ADGRL3: variants seen among roughly 807,000 people sequenced by gnomAD.
ADGRL3 encodes the protein adhesion G protein-coupled receptor L3.
Under a neutral mutation model 153.5 loss-of-function variants are expected in ADGRL3, and 62 were observed. The ratio of observed to expected loss-of-function variants is 0.40; its 90% CI spans 0.33 to 0.50. ADGRL3 has a LOEUF of 0.50. ADGRL3 is among the 20% of genes least tolerant of loss of function. The probability of loss-of-function intolerance (pLI) is 0.47; values close to 1 mark genes in which losing one functional copy is unlikely to be tolerated. For synonymous variants in ADGRL3, 710 were observed against 672.5 expected (o/e 1.06, Z -0.86); for missense variants, 1,641 against 1,859.4 (o/e 0.88, Z 2.16).
intron 21 of ADGRL3, among the ~76,000 whole-genome samples, chr4:62,008,763 A>T (rs1349920202): frequency 6.6e-6 from 1 of 151,814 alleles, no homozygotes; most frequent in Non-Finnish European, 1.5e-5. Flanking sequence ...ATACATATAT[A>T]TGCATATATA....
At chr4:61,685,097 A>G (rs867713217) in intron 6 of ADGRL3, among the ~76,000 whole-genome samples, 4 of 151,860 alleles carry the variant, frequency 2.6e-5, no homozygotes, top group African/African-American at 9.7e-5. Flanking sequence ...TTTAATTTTT[A>G]GTAGAGACAG....
At chr4:61,710,736 G>A (rs1432215786) in intron 6 of ADGRL3, among the ~76,000 whole-genome samples, 1 of 152,090 alleles carries the variant, frequency 6.6e-6, no homozygotes, top group Non-Finnish European at 1.5e-5. Context: ...CAATAATGTA[G>A]CACTGTATAT....
chr4:61,505,763 C>T (rs1346513007), intron 3 of ADGRL3, among the ~76,000 whole-genome samples: 1 of 151,832 alleles, frequency 6.6e-6, no homozygotes, highest in Non-Finnish European at 1.5e-5. Context: ...AGCTTTGCAT[C>T]TCTCTATCAA....
At chr4:61,786,049 T>C (rs2097272460) in intron 8 of ADGRL3, among the ~76,000 whole-genome samples, 1 of 152,148 alleles carries the variant, frequency 6.6e-6, no homozygotes, top group African/African-American at 2.4e-5. Flanking sequence ...TTTTTTTATG[T>C]GCTTAAAAGA....
chr4:61,290,151 C>T (rs1411820733), intron 1 of ADGRL3, among the ~76,000 whole-genome samples: 2 of 152,014 alleles, frequency 1.3e-5, no homozygotes, highest in African/African-American at 4.8e-5. Context: ...ATATACTAGG[C>T]TCCATAATTG....
chr4:61,598,353 T>C (rs1000597281), intron 5 of ADGRL3, among the ~76,000 whole-genome samples: 2 of 152,176 alleles, frequency 1.3e-5, no homozygotes, highest in African/African-American at 4.8e-5. Flanking sequence ...TCTAAAATGT[T>C]ACACATGAGT....
At chr4:61,807,858 T>G (rs1219862427) in intron 8 of ADGRL3, among the ~76,000 whole-genome samples, 2 of 152,160 alleles carry the variant, frequency 1.3e-5, no homozygotes, top group Non-Finnish European at 2.9e-5. Flanking sequence ...CCAAATTGAT[T>G]GTTAAAGCTG....
chr4:61,363,216 A>G (rs570083580), intron 1 of ADGRL3, among the ~76,000 whole-genome samples: 100 of 152,330 alleles, frequency 6.6e-4, no homozygotes, highest in African/African-American at 2.3e-3. Flanking sequence ...GATTATTGTA[A>G]TATAATGAAA....
intron 21 of ADGRL3, 31 bp downstream of exon 21, chr4:61,998,296 G>C: frequency 8.2e-7 from 1 of 1,215,110 alleles, no homozygotes; most frequent in Non-Finnish European, 1.2e-6. Context: ...TTTTCTATAG[G>C]TTGTGTTACA....
intron 1 of ADGRL3, among the ~76,000 whole-genome samples, chr4:61,292,768 G>T (rs538122625): frequency 6.6e-6 from 1 of 152,220 alleles, no homozygotes; most frequent in South Asian, 2.1e-4. Flanking sequence ...CAAAGGTGGA[G>T]ATCTTAGATG....
At chr4:61,910,481 ATATATTT>A (rs2149822194) in intron 12 of ADGRL3, among the ~76,000 whole-genome samples, 1 of 150,234 alleles carries the variant, frequency 6.7e-6, no homozygotes, top group South Asian at 2.1e-4. Flanking sequence ...AATATATTTC[ATATATTT>A]ATAAATAATA....
chr4:61,364,597 G>A, intron 1 of ADGRL3, among the ~76,000 whole-genome samples: 1 of 151,898 alleles, frequency 6.6e-6, no homozygotes, highest in Non-Finnish European at 1.5e-5. Context: ...ACACGAAATA[G>A]CACACTGTCT....
At chr4:61,801,074 C>T (rs1003731006) in intron 8 of ADGRL3, among the ~76,000 whole-genome samples, 6 of 152,028 alleles carry the variant, frequency 3.9e-5, no homozygotes, top group Admixed American at 3.3e-4. Context: ...GCAGGTGGTT[C>T]GGCACATTAG....
At chr4:61,733,621 T>G in intron 8 of ADGRL3, 67 bp downstream of exon 8, 1 of 1,158,398 alleles carries the variant, frequency 8.6e-7, no homozygotes, top group Non-Finnish European at 1.2e-6. Context: ...AAGTTCATTT[T>G]ATGTTTTTAT....
intron 9 of ADGRL3, among the ~76,000 whole-genome samples, chr4:61,839,139 T>A (rs1020423048): frequency 1.3e-5 from 2 of 152,248 alleles, no homozygotes; most frequent in South Asian, 2.1e-4. Context: ...TTGCTTTCTG[T>A]GGTATACTTT....
At chr4:61,265,659 T>C (rs2092807104) in intron 1 of ADGRL3, among the ~76,000 whole-genome samples, 1 of 151,880 alleles carries the variant, frequency 6.6e-6, no homozygotes, top group Non-Finnish European at 1.5e-5. Context: ...TTTTGAAATT[T>C]ACTAGCCTTG....
chr4:61,965,339 A>G (rs1204935030), intron 17 of ADGRL3, among the ~76,000 whole-genome samples: 1 of 152,146 alleles, frequency 6.6e-6, no homozygotes, highest in Non-Finnish European at 1.5e-5. Flanking sequence ...TAGTAAATAA[A>G]GTGATAAAGT....
At chr4:61,359,260 A>G (rs1238529463) in intron 1 of ADGRL3, among the ~76,000 whole-genome samples, 2 of 152,194 alleles carry the variant, frequency 1.3e-5, no homozygotes, top group Non-Finnish European at 2.9e-5. Flanking sequence ...CCTATAATCT[A>G]TTCTCAACAC....
intron 4 of ADGRL3, among the ~76,000 whole-genome samples, chr4:61,562,202 ACTTTAAATTGCCAAAGATCCT>A: frequency 6.6e-6 from 1 of 152,322 alleles, no homozygotes; most frequent in African/African-American, 2.4e-5. Flanking sequence ...TAATTAAATT[ACTTTAAATTGCCAAAGATCCT>A]CTGAGCCTTT....
Sources: gnomAD v4.1 joint callset for allele counts (sites outside exome capture counted in the v4.1 genomes callset) on GRCh38, gnomAD v4.1.1 for gene constraint, MANE v1.5 for transcripts, NCBI Gene and HGNC (gene_info 2026-07-23, HGNC 2026-07-21) for gene names.